Variants in IPO11 observed in about 807,000 individuals in gnomAD.
IPO11 encodes importin-11.
IPO11 carries 66 observed loss-of-function variants against 143.2 expected under a neutral mutation model. The ratio of observed to expected loss-of-function variants is 0.46; its 90% CI spans 0.38 to 0.57. IPO11 has a LOEUF of 0.57. IPO11 is among the 20% of genes least tolerant of loss of function. The pLI, the probability that IPO11 is intolerant of heterozygous loss-of-function variation, is 0.00. For missense variants in IPO11, 1,026 were observed against 1,141.0 expected (o/e 0.90, Z 1.45); for synonymous variants, 385 against 377.8 (o/e 1.02, Z -0.22).
At chr5:62,469,999 A>G (rs184024157) in intron 6 of IPO11, among the ~76,000 whole-genome samples, 36 of 152,294 alleles carry the variant, frequency 2.4e-4, no homozygotes, top group Admixed American at 4.6e-4. Flanking sequence ...AATTACACTA[A>G]ATTTTGGAAT....
intron 4 of IPO11, among the ~76,000 whole-genome samples, chr5:62,450,894 C>T (rs1744900677): frequency 6.6e-6 from 1 of 152,032 alleles, no homozygotes; most frequent in Non-Finnish European, 1.5e-5. Flanking sequence ...TTAAATTGAG[C>T]TATTAAAGCA....
chr5:62,455,534 A>T (rs1325427941), intron 5 of IPO11, among the ~76,000 whole-genome samples: 1 of 152,212 alleles, frequency 6.6e-6, no homozygotes, highest in South Asian at 2.1e-4. Flanking sequence ...AGAAGAAAAA[A>T]ATATTAAGCT....
chr5:62,594,666 A>G (rs1050226840), intron 28 of IPO11, among the ~76,000 whole-genome samples: 1 of 152,222 alleles, frequency 6.6e-6, no homozygotes, highest in African/African-American at 2.4e-5. Flanking sequence ...AGTTGACACA[A>G]AATTAGCCAT....
chr5:62,499,233 T>G (rs903722052), intron 16 of IPO11, among the ~76,000 whole-genome samples: 25 of 152,218 alleles, frequency 1.6e-4, no homozygotes, highest in Non-Finnish European at 3.7e-4. Flanking sequence ...ATCTCGGCTG[T>G]GGGTACAAAC....
intron 24 of IPO11, among the ~76,000 whole-genome samples, chr5:62,546,530 T>C (rs1743194793): frequency 6.6e-6 from 1 of 152,152 alleles, no homozygotes; most frequent in Admixed American, 6.5e-5. Flanking sequence ...CACACCAACA[T>C]GGCACATGTA....
intron 16 of IPO11, among the ~76,000 whole-genome samples, chr5:62,499,086 G>A (rs567700029): frequency 1.7e-4 from 26 of 152,272 alleles, no homozygotes; most frequent in African/African-American, 5.8e-4. Flanking sequence ...TGGGCACGTT[G>A]ACTACCAACC....
At chr5:62,450,905 C>G (rs1427557579) in intron 4 of IPO11, among the ~76,000 whole-genome samples, 1 of 152,082 alleles carries the variant, frequency 6.6e-6, no homozygotes, top group Non-Finnish European at 1.5e-5. Context: ...TATTAAAGCA[C>G]AATTTGGCAG....
At position 62,443,048 on chromosome 5, in the gene IPO11, T is replaced by C; in HGVS notation, c.204T>C (p.His68=). The part of the protein sequence containing the change: ...VRWLAVLYFK[H]GIDRYWRRVA... ...GGCTTGCTGTACTGTATTTTAAACA[T>C]GGAATTGATCGCTACTGGAGACGTG... Residue 68 remains histidine (H), a synonymous_variant, in exon 3 of 30, where the codon CAT becomes CAC. Coordinates refer to ENST00000325324, the MANE Select transcript of IPO11 (RefSeq NM_016338.5). 6.2e-7 allele frequency: 1 copy of C among 1,612,650 alleles called. No individual in the cohort carries two copies. The highest frequency in any genetic ancestry group is 8.5e-7 in the Non-Finnish European group (1 of 1,179,156).
intron 5 of IPO11, among the ~76,000 whole-genome samples, chr5:62,458,843 C>G (rs114322839): frequency 2.0e-5 from 3 of 152,170 alleles, no homozygotes; most frequent in Non-Finnish European, 4.4e-5. Flanking sequence ...ATGGTGCGTA[C>G]TCTTCCTGTA....
intron 6 of IPO11, 57 bp from the exon 7 acceptor site, chr5:62,470,193 A>C: frequency 5.3e-6 from 8 of 1,504,172 alleles, no homozygotes; most frequent in Non-Finnish European, 7.4e-6. Context: ...CTTTCTTGTG[A>C]TTGTAATTTT....
At chr5:62,511,679 T>C (rs1378076939) in intron 19 of IPO11, among the ~76,000 whole-genome samples, 1 of 152,206 alleles carries the variant, frequency 6.6e-6, no homozygotes, top group East Asian at 1.9e-4. Flanking sequence ...TTTTAAATTT[T>C]AATCCAGATA....
At position 62,467,611 on chromosome 5, in the gene IPO11, A is replaced by AT. The variant is rs772759677; in HGVS notation, c.649+354dup. ...TCCTTGTCATGCCAACTTTCCTAAA[A>AT]TTTTTTCTCCAGGCTGGAATGAGCA... is the stretch of plus-strand genomic sequence containing the variant. On this transcript the variant is annotated intron_variant, in intron 6 of 29. Transcript: ENST00000325324. Among the ~76,000 whole-genome samples the AT allele has an allele frequency of 3.3e-5, 5 of 152,070 alleles. No individual in the cohort carries two copies. The East Asian group carries it at 5.8e-4, about 18-fold the overall frequency.
chr5:62,581,952 A>G (rs1038805991), intron 27 of IPO11, among the ~76,000 whole-genome samples: 13 of 152,224 alleles, frequency 8.5e-5, no homozygotes, highest in African/African-American at 2.9e-4. Flanking sequence ...AGAGCTGAGT[A>G]ACATCGTGTC....
At chr5:62,508,504 T>TTTC (rs933097655) in intron 19 of IPO11, among the ~76,000 whole-genome samples, 2 of 151,718 alleles carry the variant, frequency 1.3e-5, no homozygotes, top group Non-Finnish European at 2.9e-5. Flanking sequence ...ACAATAGTGC[T>TTTC]TTCTTCTTCT....
rs759164450 is a variant in IPO11, at chr5:62,483,089, ATTTT to A, written c.829-10_829-7del. On this transcript the variant is annotated splice_region_variant and splice_polypyrimidine_tract_variant and intron_variant, in intron 9 of 29. Transcript: ENST00000325324. ...AATACATTTTAATTTTTATTTATTT[ATTTT>A]TCTACAGCTTTTGGACTTCTTGGAT... 6.4e-4 allele frequency: 961 copies of A among 1,494,004 alleles called. 1 individual carries two copies. Among genetic ancestry groups the A allele is most frequent in the Non-Finnish European group, 8.4e-4 (918 of 1,091,912 alleles). The allele number at this position is 1,494,004 out of a possible 1,614,324, so 92.5% of individuals were successfully genotyped here.
intron 1 of IPO11, among the ~76,000 whole-genome samples, chr5:62,437,037 A>G (rs1744268701): frequency 6.6e-6 from 1 of 152,110 alleles, no homozygotes; most frequent in Admixed American, 6.6e-5. Flanking sequence ...TCTTCTATTT[A>G]TGGAACAATG....
chr5:62,515,008 T>C (rs1741959642), intron 19 of IPO11, among the ~76,000 whole-genome samples: 1 of 152,254 alleles, frequency 6.6e-6, no homozygotes, highest in Non-Finnish European at 1.5e-5. Flanking sequence ...GGAAGATATT[T>C]GTAGAATGAA....
In IPO11 at chr5:62,598,419, T is replaced by G. The variant is rs1473244753; in HGVS notation, c.2679-3345T>G. Among the ~76,000 whole-genome samples, 8 of 43,160 alleles carry G rather than the reference T, an allele frequency of 1.9e-4. 1 individual carries two copies. The East Asian group carries it at 5.2e-3, about 28-fold the overall frequency. 28.3% of individuals were successfully genotyped at this position (43,160 alleles called of 152,430 possible). ...TTCTTTCTTTCTTTCTTTCTTTCTT[T>G]CTTTCTTTCTTTCTCTCTCTCTCTC... On this transcript the variant is annotated intron_variant, in intron 28 of 29. Coordinates refer to ENST00000325324, the MANE Select transcript of IPO11 (RefSeq NM_016338.5).
Position 62,619,170 on chromosome 5 carries a change from A to G in IPO11, c.2764-7984A>G, listed in dbSNP as rs142672811. Among the ~76,000 whole-genome samples, 279 of 152,288 alleles carry G rather than the reference A, an allele frequency of 1.8e-3. 1 individual carries two copies. Among genetic ancestry groups the G allele is most frequent in the Non-Finnish European group, 3.1e-3 (208 of 68,022 alleles). On this transcript the variant is annotated intron_variant, in intron 29 of 29. Transcript: ENST00000325324. Reference sequence around the variant, plus strand: ...CCTGAACCCAGGAGGCGGAGGCTGTAGTGAGCCAAGATCTCACCACTGCAC... The same window carrying G: ...CCTGAACCCAGGAGGCGGAGGCTGTGGTGAGCCAAGATCTCACCACTGCAC...
Sources: allele counts gnomAD v4.1 joint callset (sites outside exome capture counted in the v4.1 genomes callset), GRCh38; gene constraint gnomAD v4.1.1; transcripts MANE v1.5; gene names NCBI Gene and HGNC (gene_info 2026-07-23, HGNC 2026-07-21).